The following COL13A1 variants were observed in gnomAD, a reference collection of about 807,000 sequenced individuals.
COL13A1 encodes the protein collagen type XIII alpha 1 chain.
A neutral mutation model predicts 130.9 loss-of-function variants in COL13A1; 89 were observed. That is an observed-to-expected ratio of 0.68 (90% CI 0.57 to 0.81). The LOEUF (loss-of-function observed/expected upper bound fraction) is 0.81. Among genes scored for constraint, COL13A1 ranks in the 30% least tolerant of loss-of-function variants. COL13A1 has a pLI of 0.00. For missense variants in COL13A1, 879 were observed against 934.6 expected, an observed-to-expected ratio of 0.94 and a Z score of 0.78; for synonymous variants, 402 against 341.6, an observed-to-expected ratio of 1.18 and a Z score of -1.95.
At chr10:69,933,589 G>A (rs1019985466) in intron 31 of COL13A1, among the ~76,000 whole-genome samples, 1 of 152,106 alleles carries the variant, frequency 6.6e-6, no homozygotes, top group Non-Finnish European at 1.5e-5. Context: ...CCATCAGGGT[G>A]GGTTCACCTT....
intron 17 of COL13A1, among the ~76,000 whole-genome samples, chr10:69,914,106 G>A (rs1451396303): frequency 6.6e-6 from 1 of 152,152 alleles, no homozygotes. Flanking sequence ...CACGCTCCGG[G>A]GTTTTGCTCT....
At chr10:69,943,697 CCT>C (rs1230006336) in intron 35 of COL13A1, among the ~76,000 whole-genome samples, 3 of 152,106 alleles carry the variant, frequency 2.0e-5, no homozygotes, top group Admixed American at 6.5e-5. Context: ...CTCGTCTGCC[CCT>C]GTGTGTGCAT....
chr10:69,889,003 G>A (rs2060885166), intron 9 of COL13A1, among the ~76,000 whole-genome samples: 1 of 152,300 alleles, frequency 6.6e-6, no homozygotes, highest in South Asian at 2.1e-4. Flanking sequence ...CTCAGTTGAG[G>A]GACCCTAGCA....
At chr10:69,929,034 T>A (rs1480313120) in intron 28 of COL13A1, 35 bp downstream of exon 28, 1 of 1,567,068 alleles carries the variant, frequency 6.4e-7, no homozygotes, top group Non-Finnish European at 8.8e-7. Context: ...GTGAAGACTT[T>A]GCAAGGGCAT....
chr10:69,924,931 C>A, intron 24 of COL13A1, 32 bp from the exon 25 acceptor site: 2 of 1,561,446 alleles, frequency 1.3e-6, no homozygotes, highest in Non-Finnish European at 1.7e-6. Flanking sequence ...CCAACTTTAT[C>A]CCCACTTTGC....
At position 69,816,695 on chromosome 10, in the gene COL13A1, A is replaced by G. The variant is rs1248426282; in HGVS notation, c.295-5674A>G. Among the ~76,000 whole-genome samples the G allele has an allele frequency of 3.3e-5, 5 of 152,026 alleles. No individual in the cohort carries two copies. In the East Asian group the frequency reaches 9.7e-4, roughly 29 times the overall value. On this transcript the variant is annotated intron_variant, in intron 1 of 40. Transcript: ENST00000645393. ...AAATGGGGAGAGTGCGTGTCCTGGG[A>G]GCCAAGGGCAGGAAGTGCCCCGAGG...
intron 14 of COL13A1, among the ~76,000 whole-genome samples, chr10:69,899,008 C>A (rs1564991569): frequency 6.6e-6 from 1 of 152,168 alleles, no homozygotes; most frequent in African/African-American, 2.4e-5. Flanking sequence ...TGCCAGGCAC[C>A]CTGTTACCCA....
intron 6 of COL13A1, among the ~76,000 whole-genome samples, chr10:69,878,798 A>T (rs2059864924): frequency 6.6e-6 from 1 of 152,220 alleles, no homozygotes; most frequent in Non-Finnish European, 1.5e-5. Context: ...ACACTTCTAA[A>T]GAGTTCACTC....
At chr10:69,949,937 T>C (rs2069152577) in intron 38 of COL13A1, among the ~76,000 whole-genome samples, 1 of 144,478 alleles carries the variant, frequency 6.9e-6, no homozygotes, top group South Asian at 2.3e-4. Context: ...TGTTTGTGTG[T>C]GTGTGTGTGT....
At chr10:69,920,723 C>T (rs926600779) in intron 21 of COL13A1, among the ~76,000 whole-genome samples, 3 of 152,220 alleles carry the variant, frequency 2.0e-5, no homozygotes, top group Non-Finnish European at 2.9e-5. Context: ...GCATCCAGAA[C>T]TGTAAGAAAA....
In COL13A1 at chr10:69,902,810, T is replaced by G. The variant is rs1190635158; in HGVS notation, c.813T>G (p.Ser271Arg). ...PPGPPGPPGP[S>R]GPLGHPGLPG... ...GGCCCCCAGGCCCCCCTGGACCAAG[T>G]GGACCTCTGGGGCACCCAGGACTGC... The change falls in exon 15 of 41, where the codon AGT (serine) becomes AGG (arginine). Residue 271 changes from serine (S) to arginine (R), a missense_variant. By Grantham distance (110) the Ser-to-Arg change is moderately radical (BLOSUM62 -1). Around this residue, in one of 3 missense-constraint regions of COL13A1, gnomAD observed 715 missense variants for 721.0 expected, o/e 0.99. Coordinates refer to ENST00000645393, the MANE Select transcript of COL13A1 (RefSeq NM_001368882.1). 4.5e-6 allele frequency: 7 copies of G among 1,550,588 alleles called. No individual in the cohort carries two copies. The highest frequency in any genetic ancestry group is 6.1e-6 in the Non-Finnish European group (7 of 1,146,400).
intron 2 of COL13A1, among the ~76,000 whole-genome samples, chr10:69,859,131 G>A (rs1490443853): frequency 6.6e-6 from 1 of 152,172 alleles, no homozygotes; most frequent in African/African-American, 2.4e-5. Flanking sequence ...ACCTTATGGG[G>A]CTACTGTGAA....
intron 17 of COL13A1, among the ~76,000 whole-genome samples, chr10:69,914,920 AC>A (rs1214808929): frequency 1.3e-5 from 2 of 152,130 alleles, no homozygotes; most frequent in Non-Finnish European, 2.9e-5. Context: ...TGACCCCTGC[AC>A]CCCTATGATG....
intron 1 of COL13A1, among the ~76,000 whole-genome samples, chr10:69,812,201 C>G (rs1477412753): frequency 6.6e-6 from 1 of 152,242 alleles, no homozygotes; most frequent in African/African-American, 2.4e-5. Context: ...CCTTGTCACT[C>G]TCTCCAGCCT....
chr10:69,923,830 G>GC lies in COL13A1; in HGVS notation c.1265dup (p.Gly423ArgfsTer41). 6.2e-7 allele frequency: 1 copy of GC among 1,611,838 alleles called. No individual in the cohort carries two copies. Reference sequence around the variant, plus strand: ...GAAGCAGGTGTCGATGGCCAGGTTGGCCCCCCAGGGCAGCCAGGAGACAAG... The same window carrying GC: ...GAAGCAGGTGTCGATGGCCAGGTTGGCCCCCCCAGGGCAGCCAGGAGACAAG... On this transcript the variant is annotated frameshift_variant, in exon 24 of 41. Coordinates refer to ENST00000645393, the MANE Select transcript of COL13A1 (RefSeq NM_001368882.1). LOFTEE classifies it high-confidence loss of function.
chr10:69,854,125 T>G (rs2763349), intron 2 of COL13A1, among the ~76,000 whole-genome samples: 129,761 of 152,176 alleles, frequency 0.85, 55,444 homozygotes, highest in East Asian at 0.94. Flanking sequence ...GCACGTACAC[T>G]GGAGGCCATA....
In COL13A1 at chr10:69,837,555, C is replaced by A. The variant is rs1167714723; in HGVS notation, c.364+15117C>A. ...AGAAACTGATTGGACCCTGAAGCCA[C>A]CACCCACCACACAACTATTTCTAGG... On this transcript the variant is annotated intron_variant, in intron 2 of 40. Transcript: ENST00000645393. Among the ~76,000 whole-genome samples the A allele has an allele frequency of 3.3e-5, 5 of 152,228 alleles. No homozygotes were observed. In the East Asian group the frequency reaches 9.6e-4, roughly 29 times the overall value.
intron 24 of COL13A1, among the ~76,000 whole-genome samples, chr10:69,924,709 G>A (rs2065122294): frequency 6.6e-6 from 1 of 152,174 alleles, no homozygotes; most frequent in Non-Finnish European, 1.5e-5. Context: ...AGAGACAAAG[G>A]GGAGTCCCTA....
intron 5 of COL13A1, among the ~76,000 whole-genome samples, chr10:69,876,527 G>A (rs1332267500): frequency 2.0e-5 from 3 of 152,278 alleles, no homozygotes; most frequent in Middle Eastern, 6.8e-3. Context: ...GCCGCCCCAC[G>A]AGAAGCTCTC....
Sources: allele counts gnomAD v4.1 joint callset (sites outside exome capture counted in the v4.1 genomes callset), GRCh38; gene constraint gnomAD v4.1.1; regional missense constraint gnomAD v4.1.1; transcripts MANE v1.5; gene names NCBI Gene and HGNC (gene_info 2026-07-23, HGNC 2026-07-21).